The following ABTB3 variants were observed in gnomAD, a reference collection of about 807,000 sequenced individuals.
ABTB3 encodes the protein ankyrin repeat and BTB domain containing 3.
chr12:107,578,510 G>A, the ABTB3 span, among the ~76,000 whole-genome samples: 1 of 149,820 alleles, frequency 6.7e-6, no homozygotes, highest in Non-Finnish European at 1.5e-5. Context: ...GTTCTGTGAT[G>A]GAGATGCAGC....
the ABTB3 span, among the ~76,000 whole-genome samples, chr12:107,444,536 G>T: frequency 2.0e-5 from 3 of 152,194 alleles, no homozygotes; most frequent in Non-Finnish European, 4.4e-5. Flanking sequence ...CTCCAAGGTA[G>T]ATCTGTTATT....
chr12:107,656,753 G>T, the ABTB3 span, among the ~76,000 whole-genome samples: 1 of 152,222 alleles, frequency 6.6e-6, no homozygotes, highest in Admixed American at 6.5e-5. Flanking sequence ...CAGGTGTGCT[G>T]GTGGGGGGTG....
chr12:107,364,967 T>C, the ABTB3 span, among the ~76,000 whole-genome samples: 2 of 152,186 alleles, frequency 1.3e-5, no homozygotes, highest in African/African-American at 4.8e-5. Context: ...TGTTGCTCTC[T>C]GTCACAGTGG....
the ABTB3 span, among the ~76,000 whole-genome samples, chr12:107,625,593 G>C: frequency 2.0e-5 from 3 of 152,236 alleles, no homozygotes; most frequent in East Asian, 5.8e-4. Flanking sequence ...AAGTGCTCTG[G>C]CTCCCACGTA....
the ABTB3 span, among the ~76,000 whole-genome samples, chr12:107,333,588 T>C: frequency 6.6e-6 from 1 of 152,338 alleles, no homozygotes; most frequent in East Asian, 1.9e-4. Flanking sequence ...CAGAATTGTT[T>C]TGAGGCTCAA....
At chr12:107,449,996 G>C in the ABTB3 span, among the ~76,000 whole-genome samples, 6 of 152,132 alleles carry the variant, frequency 3.9e-5, no homozygotes, top group Non-Finnish European at 8.8e-5. Flanking sequence ...AATGAGTTTA[G>C]CACAGTGCCT....
chr12:107,418,459 G>C, the ABTB3 span, among the ~76,000 whole-genome samples: 1 of 152,184 alleles, frequency 6.6e-6, no homozygotes, highest in Non-Finnish European at 1.5e-5. Context: ...ACTAATACAA[G>C]CTGGTTCTTA....
chr12:107,426,859 C>T, the ABTB3 span, among the ~76,000 whole-genome samples: 2 of 152,142 alleles, frequency 1.3e-5, no homozygotes, highest in Non-Finnish European at 2.9e-5. Flanking sequence ...CTATTTCATC[C>T]ACCTTCCCCA....
At chr12:107,615,712 A>T in the ABTB3 span, among the ~76,000 whole-genome samples, 1 of 152,254 alleles carries the variant, frequency 6.6e-6, no homozygotes, top group Non-Finnish European at 1.5e-5. Flanking sequence ...GCACAGTGAC[A>T]TGTCCTCATT....
chr12:107,486,057 A>G, the ABTB3 span, among the ~76,000 whole-genome samples: 1 of 152,138 alleles, frequency 6.6e-6, no homozygotes. Flanking sequence ...TGTGGTTTGG[A>G]TGGTGAAAAC....
At chr12:107,585,008 A>G in the ABTB3 span, among the ~76,000 whole-genome samples, 134 of 152,002 alleles carry the variant, frequency 8.8e-4, no homozygotes, top group African/African-American at 3.2e-3. Context: ...TGGGGAGGGC[A>G]GTGGAAGGGA....
the ABTB3 span, among the ~76,000 whole-genome samples, chr12:107,329,557 T>C: frequency 1.6e-4 from 25 of 152,364 alleles, 1 homozygote; most frequent in East Asian, 4.0e-3. Context: ...TGCTGCCTCA[T>C]TTACTGAGTG....
chr12:107,502,857 C>T, the ABTB3 span, among the ~76,000 whole-genome samples: 1 of 152,158 alleles, frequency 6.6e-6, no homozygotes, highest in African/African-American at 2.4e-5. Context: ...CCTGGCCCCA[C>T]GACCCACCAG....
chr12:107,395,979 T>C, the ABTB3 span, among the ~76,000 whole-genome samples: 1 of 152,208 alleles, frequency 6.6e-6, no homozygotes, highest in African/African-American at 2.4e-5. Flanking sequence ...GAGGGAGTGC[T>C]GAAGGTACAG....
the ABTB3 span, among the ~76,000 whole-genome samples, chr12:107,618,648 C>T: frequency 2.6e-5 from 4 of 152,232 alleles, no homozygotes; most frequent in Non-Finnish European, 5.9e-5. Context: ...TTCCCAAACA[C>T]TGAACCCTGG....
chr12:107,350,579 A>G, the ABTB3 span, among the ~76,000 whole-genome samples: 3 of 151,928 alleles, frequency 2.0e-5, no homozygotes, highest in Admixed American at 6.6e-5. Flanking sequence ...CTGCTTCCCC[A>G]GAGACCTAGG....
chr12:107,528,321 T>C, the ABTB3 span, among the ~76,000 whole-genome samples: 18 of 152,360 alleles, frequency 1.2e-4, no homozygotes, highest in East Asian at 3.5e-3. Context: ...TAGGACAATA[T>C]GAGTTTTCCA....
the ABTB3 span, among the ~76,000 whole-genome samples, chr12:107,583,756 C>T: frequency 6.6e-6 from 1 of 152,186 alleles, no homozygotes; most frequent in Non-Finnish European, 1.5e-5. Context: ...AGTTTGAAGC[C>T]TCAGCCCTGG....
At chr12:107,552,980 T>C in the ABTB3 span, among the ~76,000 whole-genome samples, 2 of 152,232 alleles carry the variant, frequency 1.3e-5, no homozygotes, top group African/African-American at 2.4e-5. Flanking sequence ...CAGAGAGCCA[T>C]GTTGCCGAAT....
Sources: gnomAD v4.1 joint callset for allele counts (sites outside exome capture counted in the v4.1 genomes callset) on GRCh38, gnomAD v4.1.1 for gene constraint, MANE v1.5 for transcripts, NCBI Gene and HGNC (gene_info 2026-07-23, HGNC 2026-07-21) for gene names.